The following CPXM2 variants were observed in gnomAD, a reference collection of about 807,000 sequenced individuals.
CPXM2 encodes the protein inactive carboxypeptidase-like protein X2.
A neutral mutation model predicts 86.1 loss-of-function variants in CPXM2; 66 were observed. That is an observed-to-expected ratio of 0.77 (90% CI 0.63 to 0.94). CPXM2 has a LOEUF of 0.94. Among genes scored for constraint, CPXM2 ranks in the 40% least tolerant of loss-of-function variants. CPXM2 has a pLI of 0.00. For missense variants in CPXM2, 948 were observed against 1,026.3 expected, an observed-to-expected ratio of 0.92 and a Z score of 1.04; for synonymous variants, 388 against 400.2, an observed-to-expected ratio of 0.97 and a Z score of 0.36.
chr10:123,907,476 C>T (rs1213771429), intron 2 of CPXM2, among the ~76,000 whole-genome samples: 1 of 152,204 alleles, frequency 6.6e-6, no homozygotes, highest in East Asian at 1.9e-4. Context: ...CCCACCCTCC[C>T]GCAGCACAGG....
At chr10:123,842,033 C>G (rs1848397609) in intron 4 of CPXM2, among the ~76,000 whole-genome samples, 2 of 152,220 alleles carry the variant, frequency 1.3e-5, no homozygotes. Context: ...GGCCACCAGT[C>G]AAGACACTAA....
upstream of CPXM2, among the ~76,000 whole-genome samples, chr10:123,894,904 G>A (rs116919315): frequency 5.3e-5 from 8 of 152,032 alleles, no homozygotes; most frequent in East Asian, 3.9e-4. Context: ...CTGATCTGCC[G>A]TCCACTCTTC....
intron 6 of CPXM2, among the ~76,000 whole-genome samples, chr10:123,785,240 G>A (rs529062091): frequency 5.9e-5 from 9 of 152,134 alleles, no homozygotes; most frequent in Admixed American, 4.6e-4. Context: ...GTAACATAAC[G>A]ATCCTACAGG....
intron 6 of CPXM2, among the ~76,000 whole-genome samples, chr10:123,785,112 C>T (rs1165239253): frequency 2.0e-5 from 3 of 152,144 alleles, no homozygotes; most frequent in East Asian, 1.9e-4. Context: ...GCGGTGCATA[C>T]TTTCATTTTG....
intron 2 of CPXM2, among the ~76,000 whole-genome samples, chr10:123,915,556 A>ATAAAAAT (rs11397163): frequency 6.6e-6 from 1 of 151,766 alleles, no homozygotes. Context: ...AGATTGTCAA[A>ATAAAAAT]AAAAATAAAA....
chr10:123,912,251 A>G (rs936286324), intron 2 of CPXM2, among the ~76,000 whole-genome samples: 4 of 130,244 alleles, frequency 3.1e-5, no homozygotes, highest in Non-Finnish European at 4.6e-5. Flanking sequence ...TGACCATCAC[A>G]TGATGGTCAC....
At chr10:123,853,959 C>G (rs749111776) in intron 3 of CPXM2, among the ~76,000 whole-genome samples, 12 of 152,006 alleles carry the variant, frequency 7.9e-5, no homozygotes, top group Non-Finnish European at 1.3e-4. Flanking sequence ...TTCCCTCCTC[C>G]TCTCCTTTTT....
At chr10:123,788,303 G>GA (rs1847119091) in intron 6 of CPXM2, among the ~76,000 whole-genome samples, 3 of 145,590 alleles carry the variant, frequency 2.1e-5, no homozygotes, top group African/African-American at 7.6e-5. Context: ...AAAAAGAAAA[G>GA]AAAAAGGAAT....
At chr10:123,796,103 C>T (rs545972542) in intron 6 of CPXM2, among the ~76,000 whole-genome samples, 7 of 152,200 alleles carry the variant, frequency 4.6e-5, no homozygotes, top group Non-Finnish European at 8.8e-5. Flanking sequence ...CCAGCGGGTC[C>T]AGGATGCCGG....
intron 12 of CPXM2, among the ~76,000 whole-genome samples, chr10:123,755,645 C>A (rs1846187904): frequency 6.6e-6 from 1 of 152,184 alleles, no homozygotes. Context: ...TTCAAAGAAA[C>A]CTTCCTATAG....
chr10:123,940,950 T>C (rs867589720), upstream of CPXM2, among the ~76,000 whole-genome samples: 35 of 152,242 alleles, frequency 2.3e-4, no homozygotes, highest in Middle Eastern at 6.8e-3. Flanking sequence ...GGTGGGCGGA[T>C]CACGAGGTCA....
At chr10:123,833,770 A>G (rs1234365596) in intron 4 of CPXM2, among the ~76,000 whole-genome samples, 1 of 152,250 alleles carries the variant, frequency 6.6e-6, no homozygotes, top group Non-Finnish European at 1.5e-5. Context: ...AGTGAGAGCC[A>G]TCAGAGAACC....
intron 2 of CPXM2, among the ~76,000 whole-genome samples, chr10:123,930,115 C>T (rs773912782): frequency 1.3e-5 from 2 of 152,178 alleles, no homozygotes; most frequent in Non-Finnish European, 2.9e-5. Flanking sequence ...ACCTGATACA[C>T]GAAGCACACT....
At position 123,762,123 on chromosome 10, in the gene CPXM2, G is replaced by C; in HGVS notation, c.1526C>G (p.Pro509Arg). ...CTGCAGGTTGCCGCCCAGCACAAAAGGGATTTTTTCCATCCAGGCTATGAC... is the reference window on the plus strand; with the variant it reads ...CTGCAGGTTGCCGCCCAGCACAAAACGGATTTTTTCCATCCAGGCTATGAC... ...RAVIAWMEKI[P>R]FVLGGNLQGG... Residue 509 changes from proline (P) to arginine (R), a missense_variant, in exon 11 of 14, where the codon CCT (proline) becomes CGT (arginine). Transcript: ENST00000241305. 1 of 1,614,160 alleles carries C rather than the reference G, an allele frequency of 6.2e-7. No individual in the cohort carries two copies. The highest frequency in any genetic ancestry group is 8.5e-7 in the Non-Finnish European group (1 of 1,180,042).
intron 4 of CPXM2, among the ~76,000 whole-genome samples, chr10:123,809,550 A>C (rs1847648452): frequency 6.6e-6 from 1 of 152,154 alleles, no homozygotes; most frequent in Admixed American, 6.5e-5. Context: ...TCATGTAAAT[A>C]GATATAGATA....
chr10:123,897,096 A>G (rs1232306854), intron 2 of CPXM2, among the ~76,000 whole-genome samples: 1 of 122,838 alleles, frequency 8.1e-6, no homozygotes, highest in East Asian at 2.5e-4. Context: ...CAGGGGTCCT[A>G]GTGGTGGCTG....
At chr10:123,808,055 A>G (rs1847616762) in intron 4 of CPXM2, among the ~76,000 whole-genome samples, 1 of 152,184 alleles carries the variant, frequency 6.6e-6, no homozygotes, top group Non-Finnish European at 1.5e-5. Context: ...ATTTTAAAAC[A>G]AAACAAAATA....
chr10:123,793,335 G>A (rs1847250111), intron 6 of CPXM2, among the ~76,000 whole-genome samples: 1 of 151,764 alleles, frequency 6.6e-6, no homozygotes, highest in Admixed American at 6.6e-5. Context: ...GTGGTGGCGG[G>A]GGCCTGTAGT....
intron 4 of CPXM2, among the ~76,000 whole-genome samples, chr10:123,814,328 T>C (rs1847764411): frequency 1.3e-5 from 2 of 152,142 alleles, no homozygotes; most frequent in African/African-American, 2.4e-5. Context: ...CAGACTGGCC[T>C]AGCCTCCCAG....
Sources: gnomAD v4.1 joint callset for allele counts (sites outside exome capture counted in the v4.1 genomes callset) on GRCh38, gnomAD v4.1.1 for gene constraint, MANE v1.5 for transcripts, NCBI Gene and HGNC (gene_info 2026-07-23, HGNC 2026-07-21) for gene names.